The following LRRIQ3 variants were observed in gnomAD, a reference collection of about 807,000 sequenced individuals.
LRRIQ3 encodes leucine-rich repeat and IQ domain-containing protein 3.
Under a neutral mutation model 59.3 loss-of-function variants are expected in LRRIQ3, and 75 were observed. That is an observed-to-expected ratio of 1.26 (90% CI 1.05 to 1.53). The LOEUF (loss-of-function observed/expected upper bound fraction) is 1.53. LRRIQ3 is among the 40% of genes most tolerant of loss of function. The probability of loss-of-function intolerance (pLI) is 0.00; values close to 1 mark genes in which losing one functional copy is unlikely to be tolerated. For missense variants in LRRIQ3, 831 were observed against 710.0 expected, an observed-to-expected ratio of 1.17 and a Z score of -1.94; for synonymous variants, 250 against 231.3, an observed-to-expected ratio of 1.08 and a Z score of -0.73.
intron 6 of LRRIQ3, among the ~76,000 whole-genome samples, chr1:74,044,473 T>C (rs1654141657): frequency 6.6e-6 from 1 of 151,754 alleles, no homozygotes; most frequent in African/African-American, 2.4e-5. Flanking sequence ...GCCATAATAT[T>C]AAGGGAAATT....
intron 3 of LRRIQ3, among the ~76,000 whole-genome samples, chr1:74,169,215 C>G (rs149644894): frequency 5.4e-4 from 82 of 152,216 alleles, no homozygotes; most frequent in African/African-American, 1.8e-3. Context: ...TGCAGAGTAT[C>G]TTTCAGGTCC....
intron 6 of LRRIQ3, among the ~76,000 whole-genome samples, chr1:74,071,241 T>C (rs114763958): frequency 0.053 from 8,112 of 152,056 alleles, 267 homozygotes; most frequent in South Asian, 0.086. Flanking sequence ...AGCATGATCA[T>C]AGCTCACTGC....
chr1:74,192,272 A>C (rs1650815448), intron 1 of LRRIQ3, among the ~76,000 whole-genome samples: 1 of 152,062 alleles, frequency 6.6e-6, no homozygotes, highest in South Asian at 2.1e-4. Context: ...CAGGGAGTAC[A>C]TGTGCAGGTT....
intron 4 of LRRIQ3, among the ~76,000 whole-genome samples, chr1:74,154,240 C>CAAAAAAAAAAAAAAAAAAAAA (rs71078186): frequency 3.1e-4 from 18 of 57,278 alleles, no homozygotes; most frequent in Non-Finnish European, 3.9e-4. Flanking sequence ...GACTCCTTCT[C>CAAAAAAAAAAAAAAAAAAAAA]AAAAAAAAAA....
chr1:74,078,210 T>C (rs1434104399), intron 5 of LRRIQ3, among the ~76,000 whole-genome samples: 1 of 151,800 alleles, frequency 6.6e-6, no homozygotes, highest in Non-Finnish European at 1.5e-5. Flanking sequence ...TGAGTGACCA[T>C]GAAAGACTGA....
At chr1:74,160,330 C>A (rs944143299) in intron 3 of LRRIQ3, among the ~76,000 whole-genome samples, 1 of 152,028 alleles carries the variant, frequency 6.6e-6, no homozygotes, top group Non-Finnish European at 1.5e-5. Flanking sequence ...TTCACTCATG[C>A]CAACACCTCT....
At chr1:74,060,231 T>TTCTTCTTCTTCC (rs1654675900) in intron 6 of LRRIQ3, among the ~76,000 whole-genome samples, 1 of 139,812 alleles carries the variant, frequency 7.2e-6, no homozygotes, top group East Asian at 2.2e-4. Context: ...GTTCTTCTTC[T>TTCTTCTTCTTCC]TCTTCTTCTT....
At chr1:74,042,455 T>C (rs1212187720) in intron 6 of LRRIQ3, among the ~76,000 whole-genome samples, 7 of 152,090 alleles carry the variant, frequency 4.6e-5, no homozygotes, top group Non-Finnish European at 8.8e-5. Context: ...ATCATATCAG[T>C]TGGTGGCCTG....
intron 5 of LRRIQ3, among the ~76,000 whole-genome samples, chr1:74,081,146 A>T (rs1021073840): frequency 7.9e-5 from 12 of 151,630 alleles, no homozygotes; most frequent in African/African-American, 2.9e-4. Context: ...ACTAGAAGTG[A>T]TAATACCCTT....
At chr1:74,127,443 A>G (rs1008446012) in intron 4 of LRRIQ3, among the ~76,000 whole-genome samples, 2 of 151,438 alleles carry the variant, frequency 1.3e-5, no homozygotes, top group Non-Finnish European at 3.0e-5. Context: ...TCTTCCTTTT[A>G]GTGGTATGTT....
At chr1:74,138,798 T>G (rs1343560414) in intron 4 of LRRIQ3, among the ~76,000 whole-genome samples, 2 of 151,812 alleles carry the variant, frequency 1.3e-5, no homozygotes, top group African/African-American at 4.8e-5. Context: ...TGTAACTGGG[T>G]TACATATGAA....
At chr1:74,169,915 A>C (rs1286617946) in intron 3 of LRRIQ3, among the ~76,000 whole-genome samples, 1 of 152,204 alleles carries the variant, frequency 6.6e-6, no homozygotes, top group East Asian at 1.9e-4. Context: ...TCATATGATT[A>C]GTAGTGTTAT....
intron 4 of LRRIQ3, among the ~76,000 whole-genome samples, chr1:74,115,431 G>C (rs1452899192): frequency 2.0e-5 from 3 of 152,026 alleles, no homozygotes; most frequent in Non-Finnish European, 2.9e-5. Context: ...ACAGGAAGTG[G>C]CTTTTTAATG....
At chr1:74,041,186 C>A in intron 7 of LRRIQ3, 27 bp downstream of exon 7, 2 of 1,472,868 alleles carry the variant, frequency 1.4e-6, no homozygotes, top group Non-Finnish European at 9.2e-7. Context: ...GACTTTAATG[C>A]CTCTGTTATA....
rs1653504838 is a variant in LRRIQ3, at chr1:74,026,055, AC to A, written c.*757del. 6.6e-6 allele frequency: 1 copy of A among 152,006 alleles called. No individual in the cohort carries two copies. The highest frequency in any genetic ancestry group is 2.4e-5 in the African/African-American group (1 of 41,436). The allele number at this position is 152,006 out of a possible 1,614,324, so 9.4% of individuals were successfully genotyped here. A position where few individuals can be genotyped will look rare whatever the true frequency, so the allele number is the denominator to read the frequency against. On this transcript the variant is annotated 3_prime_UTR_variant, in exon 8 of 8. Coordinates refer to ENST00000354431, the MANE Select transcript of LRRIQ3 (RefSeq NM_001105659.2). ...TAACAGTTTATTTTTCAAATTTTCT[AC>A]CATTGGTATGTATTAAACAGACTTA...
rs143028589 is a variant in LRRIQ3, at chr1:74,056,331, T to C, written c.998-14398A>G. Among the ~76,000 whole-genome samples the C allele has an allele frequency of 1.5e-3, 223 of 152,144 alleles. 2 individuals carry two copies. Among genetic ancestry groups the C allele is most frequent in the African/African-American group, 5.2e-3 (217 of 41,526 alleles). On this transcript the variant is annotated intron_variant, in intron 6 of 7. Transcript: ENST00000354431. ...TGGAAAAAGATAAGGATGCCCACTC[T>C]CACCACTTGTATTCAACATAGTACT...
chr1:74,175,460 T>C (rs1649584273), intron 3 of LRRIQ3, among the ~76,000 whole-genome samples: 1 of 152,048 alleles, frequency 6.6e-6, no homozygotes, highest in Non-Finnish European at 1.5e-5. Context: ...CTGAGGAAAA[T>C]GAACATTCAT....
intron 4 of LRRIQ3, among the ~76,000 whole-genome samples, chr1:74,124,632 AT>A (rs1646909289): frequency 6.6e-6 from 1 of 151,866 alleles, no homozygotes; most frequent in Admixed American, 6.6e-5. Context: ...TCTCCAATGC[AT>A]GTTCTTGGCA....
At chr1:74,172,278 T>C (rs887405716) in intron 3 of LRRIQ3, among the ~76,000 whole-genome samples, 5 of 152,122 alleles carry the variant, frequency 3.3e-5, no homozygotes, top group Admixed American at 6.6e-5. Flanking sequence ...TTTTGGTAGG[T>C]TGTGTTTTCA....
Sources: gnomAD v4.1 joint callset for allele counts (sites outside exome capture counted in the v4.1 genomes callset) on GRCh38, gnomAD v4.1.1 for gene constraint, MANE v1.5 for transcripts, NCBI Gene and HGNC (gene_info 2026-07-23, HGNC 2026-07-21) for gene names.